The following TMEM132E variants were observed in gnomAD, a reference collection of about 807,000 sequenced individuals.
The protein encoded by TMEM132E is transmembrane protein 132E.
A neutral mutation model predicts 78.5 loss-of-function variants in TMEM132E; 49 were observed. The ratio of observed to expected loss-of-function variants is 0.62; its 90% confidence interval spans 0.50 to 0.79. TMEM132E has a LOEUF of 0.79. Ranked by LOEUF, TMEM132E falls within the 30% of genes least tolerant of loss-of-function variation. The pLI is 0.00. For synonymous variants in TMEM132E, 715 were observed against 670.6 expected (o/e 1.07, Z -1.02); for missense variants, 1,403 against 1,470.9 (o/e 0.95, Z 0.75).
chr17:34,630,109 C>T lies in TMEM132E; in HGVS notation c.1440C>T (p.Ser480=), dbSNP rs548651752. The part of the protein sequence containing the change: ...IEVNGLVLDI[S]ALVECESDNE... ...TGAATGGCCTCGTCCTGGACATCTC[C>T]GCCCTAGTGGAATGCGAGTCTGACA... The change falls in exon 5 of 9, where the codon TCC becomes TCT. Residue 480 remains serine, a synonymous_variant. Coordinates refer to ENST00000631683, the MANE Select transcript of TMEM132E (RefSeq NM_001304438.2). 4.8e-5 allele frequency: 77 copies of T among 1,613,558 alleles called. 2 individuals are homozygous for T. In the South Asian group the frequency reaches 6.7e-4, roughly 14 times the overall value.
intron 1 of TMEM132E, among the ~76,000 whole-genome samples, chr17:34,609,198 T>G (rs1309092883): frequency 6.6e-6 from 1 of 152,230 alleles, no homozygotes; most frequent in Non-Finnish European, 1.5e-5. Flanking sequence ...TGCCCAGTTC[T>G]GCATGTGGCC....
At chr17:34,597,899 C>G (rs1906111718) in intron 1 of TMEM132E, among the ~76,000 whole-genome samples, 1 of 152,190 alleles carries the variant, frequency 6.6e-6, no homozygotes, top group Non-Finnish European at 1.5e-5. Flanking sequence ...AGCTCAGCCC[C>G]TAAAGTGATG....
intron 1 of TMEM132E, among the ~76,000 whole-genome samples, chr17:34,602,037 T>C (rs1906258666): frequency 6.6e-6 from 1 of 152,214 alleles, no homozygotes; most frequent in Non-Finnish European, 1.5e-5. Context: ...GTCTGGCCCC[T>C]TGGGAGTCCT....
intron 1 of TMEM132E, among the ~76,000 whole-genome samples, chr17:34,587,904 A>G (rs1297720352): frequency 6.6e-6 from 1 of 152,200 alleles, no homozygotes; most frequent in Non-Finnish European, 1.5e-5. Flanking sequence ...TCCTGGCTGC[A>G]CTGGCTTTTG....
chr17:34,607,899 C>T (rs1036894178), intron 1 of TMEM132E, among the ~76,000 whole-genome samples: 3 of 152,268 alleles, frequency 2.0e-5, no homozygotes, highest in East Asian at 1.9e-4. Flanking sequence ...TCCCAGCACA[C>T]GGATATATTG....
chr17:34,595,595 T>C (rs1005447295), intron 1 of TMEM132E, among the ~76,000 whole-genome samples: 2 of 152,196 alleles, frequency 1.3e-5, no homozygotes. Context: ...GGACAAGGGC[T>C]GGCAGGGAGA....
intron 1 of TMEM132E, among the ~76,000 whole-genome samples, chr17:34,581,994 C>A (rs1359540472): frequency 6.6e-6 from 1 of 151,826 alleles, no homozygotes; most frequent in African/African-American, 2.4e-5. Flanking sequence ...TGCAGCGGGC[C>A]TTCCGCAAGC....
intron 1 of TMEM132E, among the ~76,000 whole-genome samples, chr17:34,624,632 C>T (rs1213159775): frequency 6.6e-6 from 1 of 152,068 alleles, no homozygotes; most frequent in Admixed American, 6.5e-5. Flanking sequence ...AGGCAGCAGC[C>T]GTGAGTGTGA....
intron 1 of TMEM132E, among the ~76,000 whole-genome samples, chr17:34,609,707 C>G (rs1277157628): frequency 6.6e-6 from 1 of 152,180 alleles, no homozygotes; most frequent in Non-Finnish European, 1.5e-5. Flanking sequence ...CAAACTTTTA[C>G]AAGTATAGGA....
At chr17:34,637,082 C>T (rs1907545487) in intron 8 of TMEM132E, 95 bp from the exon 9 acceptor site, 2 of 1,098,798 alleles carry the variant, frequency 1.8e-6, no homozygotes, top group Non-Finnish European at 1.3e-6. Flanking sequence ...GAGCCAGAGA[C>T]CCGTGGTCCC....
chr17:34,586,756 AT>A (rs1315987665), intron 1 of TMEM132E, among the ~76,000 whole-genome samples: 1 of 152,152 alleles, frequency 6.6e-6, no homozygotes, highest in African/African-American at 2.4e-5. Flanking sequence ...TACCTAGATA[AT>A]TCAATGCTTG....
chr17:34,633,018 G>A (rs1217761222), intron 6 of TMEM132E, 109 bp downstream of exon 6: 1 of 1,263,538 alleles, frequency 7.9e-7, no homozygotes, highest in East Asian at 2.4e-5. Context: ...TACATAGTCT[G>A]TAGGTTGGTT....
At chr17:34,581,865 G>A (rs1288060484) in intron 1 of TMEM132E, among the ~76,000 whole-genome samples, 1 of 152,068 alleles carries the variant, frequency 6.6e-6, no homozygotes, top group African/African-American at 2.4e-5. Context: ...AAAGGGGGTG[G>A]GAGAAGGAGG....
In TMEM132E at chr17:34,629,172, C is replaced by A. The variant is rs141962331; in HGVS notation, c.1306C>A (p.Arg436=). ...AGTCACTGAGCTGACGGTCATTCAG[C>A]GGGATGTGCAAGCCATCCTGCCCCT... is the stretch of plus-strand genomic sequence containing the variant. The part of the protein sequence containing the change: ...RAVTELTVIQ[R]DVQAILPLAM... Residue 436 remains arginine (R), a synonymous_variant, in exon 4 of 9, where the codon CGG becomes AGG. Coordinates refer to ENST00000631683, the MANE Select transcript of TMEM132E (RefSeq NM_001304438.2). 5.0e-6 allele frequency: 8 copies of A among 1,614,060 alleles called. No individual in the cohort carries two copies. In the South Asian group the frequency reaches 7.7e-5, roughly 16 times the overall value.
At chr17:34,633,085 T>C (rs1309180596) in intron 6 of TMEM132E, among the ~76,000 whole-genome samples, 176 bp downstream of exon 6, 1 of 152,250 alleles carries the variant, frequency 6.6e-6, no homozygotes, top group Non-Finnish European at 1.5e-5. Context: ...TGGCAAGTGT[T>C]TGAGAGATGG....
In TMEM132E at chr17:34,636,020, T is replaced by G. The variant is rs186392032; in HGVS notation, c.1991T>G (p.Leu664Arg). The G allele has an allele frequency of 6.6e-7, 1 of 1,506,292 alleles. No homozygotes were observed. Among genetic ancestry groups the G allele is most frequent in the Admixed American group, 2.3e-5 (1 of 43,726 alleles). The allele number at this position is 1,506,292 out of a possible 1,614,324, so 93.3% of individuals were successfully genotyped here. Residue 664 changes from leucine (L) to arginine (R), a missense_variant, in exon 8 of 9, where the codon CTG (leucine) becomes CGG (arginine). Physicochemically the swap from Leu to Arg is moderately radical, Grantham distance 102. Coordinates refer to ENST00000631683, the MANE Select transcript of TMEM132E (RefSeq NM_001304438.2). ...GTTPFKVVSP[L>R]TEAVLGETLL... Reference sequence around the variant, plus strand: ...GCTCTGCCTCAGGTGGTGTCTCCGCTGACGGAGGCTGTGCTCGGGGAGACG... The same window carrying G: ...GCTCTGCCTCAGGTGGTGTCTCCGCGGACGGAGGCTGTGCTCGGGGAGACG...
chr17:34,627,973 T>C (rs905933556), intron 2 of TMEM132E, among the ~76,000 whole-genome samples: 3 of 152,212 alleles, frequency 2.0e-5, no homozygotes, highest in Non-Finnish European at 4.4e-5. Flanking sequence ...CCAATGTTCA[T>C]TGGAGTGCAG....
intron 1 of TMEM132E, among the ~76,000 whole-genome samples, chr17:34,624,786 A>T (rs7222334): frequency 0.41 from 61,849 of 152,032 alleles, 13,067 homozygotes; most frequent in East Asian, 0.6. Flanking sequence ...GTAAGCAGAT[A>T]GGAGCGCTTC....
At chr17:34,613,212 C>CACACGCGT (rs2049558383) in intron 1 of TMEM132E, among the ~76,000 whole-genome samples, 1 of 42,154 alleles carries the variant, frequency 2.4e-5, no homozygotes, top group African/African-American at 5.8e-5. Context: ...CACACACACA[C>CACACGCGT]GCGCGCGCGC....
Sources: allele counts gnomAD v4.1 joint callset (sites outside exome capture counted in the v4.1 genomes callset), GRCh38; gene constraint gnomAD v4.1.1; transcripts MANE v1.5; gene names NCBI Gene and HGNC (gene_info 2026-07-23, HGNC 2026-07-21).